The following PCNT variants were observed in gnomAD, a reference collection of about 807,000 sequenced individuals.
PCNT encodes the protein pericentrin.
Under a neutral mutation model 380.4 loss-of-function variants are expected in PCNT, and 319 were observed. The observed-to-expected ratio is 0.84, with a 90% CI of 0.77 to 0.92. The LOEUF (loss-of-function observed/expected upper bound fraction) is 0.92. PCNT is among the 40% of genes least tolerant of loss of function. The pLI, the probability that PCNT is intolerant of heterozygous loss-of-function variation, is 0.00. For synonymous variants in PCNT, 1,845 were observed against 1,735.2 expected (o/e 1.06, Z -1.57); for missense variants, 4,400 against 4,255.3 (o/e 1.03, Z -0.95).
rs759761412 is a variant in PCNT, at chr21:46,334,645, C to A, written c.516C>A (p.Phe172Leu). The part of the protein sequence containing the change: ...SDHPPEQRGM[F>L]TISDHQPEQR... ...ACCCACCAGAACAGCGTGGGATGTT[C>A]ACAATCAGTGACCACCAACCGGAAC... Residue 172 changes from phenylalanine (F) to leucine (L), a missense_variant, in exon 3 of 47, where the codon TTC (phenylalanine) becomes TTA (leucine). Transcript: ENST00000359568. The A allele has an allele frequency of 6.2e-7, 1 of 1,604,450 alleles. No individual in the cohort carries two copies. The highest frequency in any genetic ancestry group is 1.3e-5 in the African/African-American group (1 of 74,640).
At chr21:46,439,935 T>C in intron 41 of PCNT, 148 bp from the exon 42 acceptor site, 1 of 866,486 alleles carries the variant, frequency 1.2e-6, no homozygotes, top group Admixed American at 1.7e-5. Context: ...GCTGAGGGGG[T>C]GCTGAAGTTG....
chr21:46,399,398 G>A (rs1172680104), intron 24 of PCNT, among the ~76,000 whole-genome samples, 192 bp from the exon 25 acceptor site: 3 of 151,646 alleles, frequency 2.0e-5, no homozygotes, highest in Non-Finnish European at 4.4e-5. Flanking sequence ...CAGCCTGTGG[G>A]TCTAGGTCTC....
intron 38 of PCNT, among the ~76,000 whole-genome samples, chr21:46,433,240 G>A (rs968992018): frequency 3.3e-5 from 5 of 152,150 alleles, no homozygotes; most frequent in South Asian, 2.1e-4. Flanking sequence ...AAAATTAGCC[G>A]GGCATGGTAG....
Position 46,411,527 on chromosome 21 carries a change from G to A in PCNT, c.5454G>A (p.Glu1818=). 1 of 1,610,486 alleles carries A rather than the reference G, an allele frequency of 6.2e-7. No individual in the cohort carries two copies. The highest frequency in any genetic ancestry group is 8.5e-7 in the Non-Finnish European group (1 of 1,178,782). ...DQERRHSQAL[E]ALQQRLQGAE... ...AGCGCAGGCACAGCCAGGCCCTGGAGGCCCTGCAGCAGCGCCTCCAGGGCG... is the reference window on the plus strand; with the variant it reads ...AGCGCAGGCACAGCCAGGCCCTGGAAGCCCTGCAGCAGCGCCTCCAGGGCG... Residue 1818 remains glutamate, a synonymous_variant, in exon 28 of 47, where the codon GAG becomes GAA. Transcript: ENST00000359568.
intron 6 of PCNT, among the ~76,000 whole-genome samples, chr21:46,348,037 A>G (rs1354536589): frequency 6.6e-6 from 1 of 152,212 alleles, no homozygotes; most frequent in Non-Finnish European, 1.5e-5. Context: ...TGAGTCAGGC[A>G]TCTGGGCAGC....
intron 27 of PCNT, among the ~76,000 whole-genome samples, chr21:46,403,907 TGTG>T (rs2086536862): frequency 8.5e-6 from 1 of 117,580 alleles, no homozygotes; most frequent in Non-Finnish European, 1.9e-5. Flanking sequence ...GTGGGAGAAT[TGTG>T]TGTGTGGTGC....
At chr21:46,343,107 C>G (rs1019579544) in intron 3 of PCNT, among the ~76,000 whole-genome samples, 1 of 152,134 alleles carries the variant, frequency 6.6e-6, no homozygotes, top group African/African-American at 2.4e-5. Flanking sequence ...ATCCTGTCAT[C>G]AGCAGACAGG....
intron 24 of PCNT, among the ~76,000 whole-genome samples, chr21:46,398,820 C>CTTTTTTT (rs11331073): frequency 7.9e-5 from 9 of 114,558 alleles, no homozygotes; most frequent in Non-Finnish European, 1.1e-4. Flanking sequence ...TTTTCTTTTT[C>CTTTTTTT]TTTTTTTTTT....
intron 33 of PCNT, among the ~76,000 whole-genome samples, chr21:46,426,964 GCCTCCGCTCGCC>G (rs1324958939): frequency 6.6e-6 from 1 of 152,154 alleles, no homozygotes. Context: ...AGCCCCACCC[GCCTCCGCTCGCC>G]CCTCCAGCAG....
At position 46,391,209 on chromosome 21, in the gene PCNT, T is replaced by C. The variant is rs1327667415; in HGVS notation, c.4049T>C (p.Val1350Ala). The change falls in exon 21 of 47, where the codon GTG (valine) becomes GCG (alanine). Residue 1350 changes from valine to alanine, a missense_variant. Physicochemically the swap from Val to Ala is moderately conservative, Grantham distance 64. Coordinates refer to ENST00000359568, the MANE Select transcript of PCNT (RefSeq NM_006031.6). ...FKVETADLKEVLAGKEDSEHR... is the reference protein window; with the variant it reads ...FKVETADLKEALAGKEDSEHR... Reference sequence around the variant, plus strand: ...GTGGAGACAGCAGATCTGAAGGAGGTGCTGGCCGGGAAGGAGGATTCCGAG... The same window carrying C: ...GTGGAGACAGCAGATCTGAAGGAGGCGCTGGCCGGGAAGGAGGATTCCGAG... 6.2e-7 allele frequency: 1 copy of C among 1,609,080 alleles called. No homozygotes were observed. The highest frequency in any genetic ancestry group is 2.2e-5 in the East Asian group (1 of 44,744).
Position 46,444,840 on chromosome 21 carries a change from G to C in PCNT, c.9967+19G>C. 6.2e-7 allele frequency: 1 copy of C among 1,611,100 alleles called. No homozygotes were observed. Among genetic ancestry groups the C allele is most frequent in the Non-Finnish European group, 8.5e-7 (1 of 1,177,394 alleles). On this transcript the variant is annotated intron_variant, in intron 46 of 46. Coordinates refer to ENST00000359568, the MANE Select transcript of PCNT (RefSeq NM_006031.6). ...CTACCAGGTAATGCAAGTCCTCGCC[G>C]AGTATTTATTAAGCTGATTATCACT...
intron 16 of PCNT, among the ~76,000 whole-genome samples, chr21:46,383,195 A>T (rs1442970464): frequency 6.8e-6 from 1 of 147,558 alleles, no homozygotes; most frequent in East Asian, 2.0e-4. Context: ...CAGTGGCGGA[A>T]GCACATTCAC....
At chr21:46,331,433 C>T (rs2839212) in intron 2 of PCNT, among the ~76,000 whole-genome samples, 48,259 of 152,102 alleles carry the variant, frequency 0.32, 8,172 homozygotes, top group Admixed American at 0.41. Flanking sequence ...GGATTCGGCT[C>T]TGTTGCCTTA....
intron 3 of PCNT, among the ~76,000 whole-genome samples, chr21:46,335,909 C>G (rs1287193207): frequency 1.3e-5 from 2 of 151,796 alleles, no homozygotes; most frequent in Non-Finnish European, 2.9e-5. Context: ...TGGTGCTGAC[C>G]TCAAGTGATC....
At chr21:46,400,576 T>A (rs1342354568) in intron 25 of PCNT, among the ~76,000 whole-genome samples, 6 of 143,166 alleles carry the variant, frequency 4.2e-5, no homozygotes, top group African/African-American at 1.6e-4. Flanking sequence ...TGGAGTGCAG[T>A]GGCGCAATCT....
intron 31 of PCNT, among the ~76,000 whole-genome samples, chr21:46,421,481 C>T (rs2087247195): frequency 6.6e-6 from 1 of 152,128 alleles, no homozygotes; most frequent in South Asian, 2.1e-4. Context: ...TCCTTGAGAC[C>T]CCATGCCCAC....
chr21:46,352,611 C>T (rs541253857), intron 9 of PCNT, among the ~76,000 whole-genome samples: 132 of 152,316 alleles, frequency 8.7e-4, no homozygotes, highest in African/African-American at 3.0e-3. Flanking sequence ...GTCCGTGTTG[C>T]TTCTCTGCTG....
chr21:46,438,053 A>G (rs527681965), intron 40 of PCNT, 111 bp from the exon 41 acceptor site: 12 of 891,310 alleles, frequency 1.3e-5, no homozygotes, highest in East Asian at 2.7e-5. Context: ...TTCTCATTGA[A>G]CCCCAGACAC....
chr21:46,414,877 C>A (rs2086960064), intron 29 of PCNT, among the ~76,000 whole-genome samples: 1 of 152,128 alleles, frequency 6.6e-6, no homozygotes, highest in Non-Finnish European at 1.5e-5. Context: ...GCTGGACACA[C>A]AGCCACCCAC....
Sources: gnomAD v4.1 joint callset for allele counts (sites outside exome capture counted in the v4.1 genomes callset) on GRCh38, gnomAD v4.1.1 for gene constraint, MANE v1.5 for transcripts, NCBI Gene and HGNC (gene_info 2026-07-23, HGNC 2026-07-21) for gene names.